The following CDH18 variants were observed in gnomAD, a reference collection of about 807,000 sequenced individuals.
CDH18 encodes cadherin 18.
In CDH18, 31 loss-of-function variants were observed where a neutral mutation model predicts 67.9. The observed-to-expected ratio is 0.46, with a 90% CI of 0.34 to 0.62. CDH18 has a LOEUF of 0.62. Among genes scored for constraint, CDH18 ranks in the 20% least tolerant of loss-of-function variants. CDH18 has a pLI of 0.01. For synonymous variants in CDH18, 362 were observed against 347.2 expected (o/e 1.04, Z -0.48); for missense variants, 890 against 975.5 (o/e 0.91, Z 1.17).
Position 19,755,427 on chromosome 5 carries a change from G to GTGTATATATA in CDH18, c.229-8192_229-8191insTATATATACA, listed in dbSNP as rs1554024291. Among the ~76,000 whole-genome samples the GTGTATATATA allele has an allele frequency of 3.3e-3, 146 of 44,644 alleles. 2 individuals are homozygous for GTGTATATATA. The highest frequency in any genetic ancestry group is 8.6e-3 in the African/African-American group (135 of 15,658). 29.3% of individuals were successfully genotyped at this position (44,644 alleles called of 152,430 possible). ...TCTCTAGAGGGACAGAACTAACAGG[G>GTGTATATATA]TATGTATATATATATATATATATAT... On this transcript the variant is annotated intron_variant, in intron 3 of 12. Coordinates refer to ENST00000382275, the MANE Select transcript of CDH18 (RefSeq NM_004934.5).
At chr5:19,807,449 T>C (rs946570356) in intron 3 of CDH18, among the ~76,000 whole-genome samples, 1 of 152,228 alleles carries the variant, frequency 6.6e-6, no homozygotes, top group Admixed American at 6.5e-5. Context: ...TTACTTTCCT[T>C]CTTAAAAGTA....
At chr5:20,048,797 T>C (rs533356136) in intron 2 of CDH18, among the ~76,000 whole-genome samples, 2 of 151,632 alleles carry the variant, frequency 1.3e-5, no homozygotes, top group Non-Finnish European at 3.0e-5. Context: ...TCTACATAAA[T>C]GGAGACTTTT....
intron 9 of CDH18, among the ~76,000 whole-genome samples, chr5:19,532,102 A>G (rs1002110729): frequency 3.3e-5 from 5 of 152,182 alleles, no homozygotes; most frequent in Non-Finnish European, 7.3e-5. Context: ...TGACTTGTTA[A>G]CAAGAGTGAT....
At chr5:20,258,456 C>T (rs1191012454) in intron 1 of CDH18, among the ~76,000 whole-genome samples, 1 of 136,172 alleles carries the variant, frequency 7.3e-6, no homozygotes, top group Non-Finnish European at 1.7e-5. Context: ...GCAGAAAGGG[C>T]AATCCTCCAT....
chr5:20,199,188 G>T (rs889714791), intron 2 of CDH18, among the ~76,000 whole-genome samples: 11 of 152,156 alleles, frequency 7.2e-5, no homozygotes, highest in African/African-American at 9.7e-5. Context: ...ATAACAGCTT[G>T]CACTGTGCAT....
rs990881603 is a variant in CDH18 at position 20,351,342 on chromosome 5, C to T, written c.-579-95837G>A. 4.0e-5 allele frequency among the ~76,000 whole-genome samples: 6 copies of T among 150,822 alleles called. No homozygotes were observed. In the South Asian group the frequency reaches 6.4e-4, roughly 16 times the overall value. Reference sequence around the variant, plus strand: ...AATAACTATTTGCTGAATAAATTAACGAACACATATAAAATGCTTTTCTAG... The same window carrying T: ...AATAACTATTTGCTGAATAAATTAATGAACACATATAAAATGCTTTTCTAG... On this transcript the variant is annotated intron_variant, in intron 1 of 14. Transcript: ENST00000507958.
At chr5:19,657,030 T>C (rs1353843867) in intron 5 of CDH18, among the ~76,000 whole-genome samples, 2 of 152,196 alleles carry the variant, frequency 1.3e-5, no homozygotes, top group Admixed American at 1.3e-4. Flanking sequence ...TTGGTGAAAA[T>C]AATATTAGTC....
At chr5:20,536,698 TAGAC>T (rs1206956623) in intron 1 of CDH18, among the ~76,000 whole-genome samples, 14 of 152,104 alleles carry the variant, frequency 9.2e-5, no homozygotes, top group African/African-American at 1.7e-4. Flanking sequence ...TTAGAGAAAA[TAGAC>T]AGCACAGAAC....
chr5:19,489,466 C>T (rs1025655174), intron 11 of CDH18, among the ~76,000 whole-genome samples: 3 of 152,124 alleles, frequency 2.0e-5, no homozygotes, highest in Admixed American at 2.0e-4. Context: ...CCAGGCTGGT[C>T]TCAAACTCCT....
At chr5:20,254,731 AGCTACC>A (rs1744101466) in intron 2 of CDH18, among the ~76,000 whole-genome samples, 1 of 152,224 alleles carries the variant, frequency 6.6e-6, no homozygotes, top group Non-Finnish European at 1.5e-5. Flanking sequence ...AACTTAAAAC[AGCTACC>A]ATTCAATCCA....
intron 1 of CDH18, among the ~76,000 whole-genome samples, chr5:20,494,882 A>G (rs1322143823): frequency 2.6e-5 from 4 of 152,124 alleles, no homozygotes; most frequent in Non-Finnish European, 5.9e-5. Flanking sequence ...TGCTATTTTA[A>G]TTGTCCACAG....
intron 1 of CDH18, among the ~76,000 whole-genome samples, chr5:20,335,062 T>G (rs1169800347): frequency 6.6e-6 from 1 of 152,188 alleles, no homozygotes; most frequent in Non-Finnish European, 1.5e-5. Context: ...CTAGGCAGAA[T>G]GAACCTCATT....
chr5:20,076,887 A>G (rs1743991713), intron 2 of CDH18, among the ~76,000 whole-genome samples: 3 of 152,212 alleles, frequency 2.0e-5, no homozygotes, highest in Admixed American at 2.0e-4. Flanking sequence ...TTTGAAACTA[A>G]TAAATATATG....
chr5:20,333,389 T>A (rs999120062), intron 1 of CDH18, among the ~76,000 whole-genome samples: 1 of 151,140 alleles, frequency 6.6e-6, no homozygotes, highest in African/African-American at 2.4e-5. Flanking sequence ...TGCCTGTAAT[T>A]CCAGCTACTT....
chr5:20,377,753 A>G (rs538693533), intron 1 of CDH18, among the ~76,000 whole-genome samples: 2 of 152,318 alleles, frequency 1.3e-5, no homozygotes, highest in African/African-American at 4.8e-5. Flanking sequence ...TTTGTAATTT[A>G]TATGGGGGAA....
At position 19,628,742 on chromosome 5, in the gene CDH18, A is replaced by G. The variant is rs148326757; in HGVS notation, c.644-16141T>C. Among the ~76,000 whole-genome samples, 3 of 152,228 alleles carry G rather than the reference A, an allele frequency of 2.0e-5. No homozygotes were observed. The East Asian group carries it at 5.8e-4, about 29-fold the overall frequency. On this transcript the variant is annotated intron_variant, in intron 5 of 12. Transcript: ENST00000382275. ...GCTGGCATAACATACACTGGTTTTT[A>G]GAGGAGCAAGCTAAAATAGTAATAT...
chr5:20,132,168 C>T (rs1749324334), intron 2 of CDH18, among the ~76,000 whole-genome samples: 3 of 152,122 alleles, frequency 2.0e-5, no homozygotes, highest in Admixed American at 6.5e-5. Context: ...GGATTACAGG[C>T]GTGAGCCACC....
chr5:19,791,455 C>T (rs1440888038), intron 3 of CDH18, among the ~76,000 whole-genome samples: 2 of 151,532 alleles, frequency 1.3e-5, no homozygotes, highest in Admixed American at 1.3e-4. Flanking sequence ...AAGTTGTATG[C>T]AAATTCAAAA....
intron 3 of CDH18, among the ~76,000 whole-genome samples, chr5:19,809,806 T>A (rs1778449098): frequency 6.6e-6 from 1 of 152,124 alleles, no homozygotes; most frequent in South Asian, 2.1e-4. Context: ...TTTCTCAAGT[T>A]AAAGTTTAAA....
Sources: gnomAD v4.1 joint callset for allele counts (sites outside exome capture counted in the v4.1 genomes callset) on GRCh38, gnomAD v4.1.1 for gene constraint, MANE v1.5 for transcripts, NCBI Gene and HGNC (gene_info 2026-07-23, HGNC 2026-07-21) for gene names.